The following RAPGEF5 variants were observed in gnomAD, a reference collection of about 807,000 sequenced individuals.
RAPGEF5 encodes M-Ras-regulated GEF.
RAPGEF5 carries 65 observed loss-of-function variants against 125.2 expected under a neutral mutation model. That is an observed-to-expected ratio of 0.52 (90% CI 0.43 to 0.64). The LOEUF is 0.64. Ranked by LOEUF, RAPGEF5 falls within the 30% of genes least tolerant of loss-of-function variation. The pLI is 0.00. For missense variants in RAPGEF5, 958 were observed against 1,048.1 expected (o/e 0.91, Z 1.19); for synonymous variants, 391 against 385.9 (o/e 1.01, Z -0.16).
At chr7:22,266,848 C>A (rs1782293842) in intron 7 of RAPGEF5, 116 bp downstream of exon 7, 9 of 983,220 alleles carry the variant, frequency 9.2e-6, no homozygotes, top group Non-Finnish European at 1.2e-5. Flanking sequence ...TGGTATAATT[C>A]TTTGCATTCT....
intron 7 of RAPGEF5, among the ~76,000 whole-genome samples, chr7:22,251,843 A>T (rs1786631591): frequency 6.6e-6 from 1 of 150,470 alleles, no homozygotes; most frequent in East Asian, 1.9e-4. Flanking sequence ...TTTGAAATTT[A>T]AATTAATTTA....
At chr7:22,233,024 G>A in intron 7 of RAPGEF5, among the ~76,000 whole-genome samples, 1 of 152,128 alleles carries the variant, frequency 6.6e-6, no homozygotes, top group East Asian at 1.9e-4. Context: ...TGTTCAAAGG[G>A]GGTTCCCTGT....
chr7:22,271,432 C>A (rs184652808), intron 6 of RAPGEF5, among the ~76,000 whole-genome samples: 114 of 152,324 alleles, frequency 7.5e-4, no homozygotes, highest in Middle Eastern at 3.4e-3. Flanking sequence ...ACGTGGCCTT[C>A]ACTGTATTTA....
intron 7 of RAPGEF5, among the ~76,000 whole-genome samples, chr7:22,235,144 A>G (rs1786156385): frequency 6.6e-6 from 1 of 152,236 alleles, no homozygotes; most frequent in African/African-American, 2.4e-5. Flanking sequence ...GCAAATAGTT[A>G]AGAAAAATAA....
intron 5 of RAPGEF5, among the ~76,000 whole-genome samples, chr7:22,298,128 A>G (rs978061781): frequency 1.3e-5 from 2 of 150,166 alleles, no homozygotes; most frequent in African/African-American, 4.9e-5. Context: ...TATAATTTTT[A>G]TATGTGAGGA....
At chr7:22,250,060 T>G (rs1378106175) in intron 7 of RAPGEF5, among the ~76,000 whole-genome samples, 1 of 152,180 alleles carries the variant, frequency 6.6e-6, no homozygotes, top group Non-Finnish European at 1.5e-5. Flanking sequence ...TTACAAAGTA[T>G]CTATCTATCT....
At chr7:22,242,589 G>A (rs535810720) in intron 7 of RAPGEF5, among the ~76,000 whole-genome samples, 3 of 152,280 alleles carry the variant, frequency 2.0e-5, no homozygotes, top group Admixed American at 6.5e-5. Flanking sequence ...GGGAATGAGC[G>A]ATCCAAAAGT....
intron 8 of RAPGEF5, among the ~76,000 whole-genome samples, chr7:22,221,160 C>A (rs1239839054): frequency 6.6e-6 from 1 of 152,214 alleles, no homozygotes; most frequent in Non-Finnish European, 1.5e-5. Context: ...AGTGGAATTC[C>A]TCCACCAAAG....
chr7:22,139,777 G>A, intron 21 of RAPGEF5: 1 of 387,930 alleles, frequency 2.6e-6, no homozygotes. Flanking sequence ...GACCAGCCTG[G>A]AACGAGCACT....
At chr7:22,164,036 A>C (rs1206014604) in intron 12 of RAPGEF5, among the ~76,000 whole-genome samples, 1 of 151,516 alleles carries the variant, frequency 6.6e-6, no homozygotes, top group African/African-American at 2.5e-5. Flanking sequence ...GGCAAAATAT[A>C]ATAACAATTT....
Position 22,268,725 on chromosome 7 carries a change from C to T in RAPGEF5, c.748-1713G>A, listed in dbSNP as rs184194511. Reference sequence around the variant, plus strand: ...GGTGGATCACTTAATTTGCTCACAACGGATCGAAACCAGTCATCTCCAGCT... The same window carrying T: ...GGTGGATCACTTAATTTGCTCACAATGGATCGAAACCAGTCATCTCCAGCT... On this transcript the variant is annotated intron_variant, in intron 6 of 25. Transcript: ENST00000665637. 1.6e-4 allele frequency among the ~76,000 whole-genome samples: 25 copies of T among 152,320 alleles called. No individual in the cohort carries two copies. In the East Asian group the frequency reaches 4.2e-3, roughly 26 times the overall value.
At chr7:22,270,375 A>G (rs987972205) in intron 6 of RAPGEF5, among the ~76,000 whole-genome samples, 4 of 152,234 alleles carry the variant, frequency 2.6e-5, no homozygotes, top group African/African-American at 9.6e-5. Context: ...CGTTGTTTCA[A>G]ATCTGTAGAT....
chr7:22,203,729 C>A (rs1405130118), intron 9 of RAPGEF5, among the ~76,000 whole-genome samples: 2 of 152,122 alleles, frequency 1.3e-5, no homozygotes, highest in Non-Finnish European at 2.9e-5. Flanking sequence ...ATTTTTTGAG[C>A]CACTTACCAC....
chr7:22,158,732 C>T (rs1190452902), intron 14 of RAPGEF5, among the ~76,000 whole-genome samples: 1 of 151,908 alleles, frequency 6.6e-6, no homozygotes, highest in Non-Finnish European at 1.5e-5. Flanking sequence ...CTCAAGTGAT[C>T]CTCCTGCCTC....
intron 9 of RAPGEF5, among the ~76,000 whole-genome samples, chr7:22,213,031 G>C (rs1785546353): frequency 2.6e-5 from 4 of 152,188 alleles, no homozygotes; most frequent in African/African-American, 9.7e-5. Flanking sequence ...ACATGAGTTT[G>C]ATAAATCAAA....
intron 9 of RAPGEF5, among the ~76,000 whole-genome samples, chr7:22,199,668 G>C (rs1335830540): frequency 6.6e-6 from 1 of 151,842 alleles, no homozygotes; most frequent in East Asian, 1.9e-4. Flanking sequence ...GAGAGGTACA[G>C]TTCAGGTAGC....
chr7:22,228,665 G>A (rs1022020251), intron 8 of RAPGEF5, among the ~76,000 whole-genome samples: 4 of 130,018 alleles, frequency 3.1e-5, no homozygotes, highest in East Asian at 2.4e-4. Context: ...CTGCTACCAC[G>A]CCCAGCTAAT....
intron 9 of RAPGEF5, among the ~76,000 whole-genome samples, chr7:22,199,371 A>T (rs755142289): frequency 6.6e-6 from 1 of 152,094 alleles, no homozygotes; most frequent in Non-Finnish European, 1.5e-5. Flanking sequence ...ACCTATGTCT[A>T]TGCAACTTGG....
chr7:22,340,563 G>A (rs78827060), intron 1 of RAPGEF5, among the ~76,000 whole-genome samples: 12,107 of 152,236 alleles, frequency 0.08, 604 homozygotes, highest in South Asian at 0.16. Context: ...ATGGATTTGC[G>A]GGAACCATCC....
Sources: allele counts gnomAD v4.1 joint callset (sites outside exome capture counted in the v4.1 genomes callset), GRCh38; gene constraint gnomAD v4.1.1; transcripts MANE v1.5; gene names NCBI Gene and HGNC (gene_info 2026-07-23, HGNC 2026-07-21).